Variants in TEAD1 observed in about 807,000 individuals in gnomAD.
The protein encoded by TEAD1 is TEA domain transcription factor 1, also known as transcriptional enhancer factor TEF-1.
A neutral mutation model predicts 54.9 loss-of-function variants in TEAD1; 9 were observed. The observed-to-expected ratio is 0.16, with a 90% CI of 0.10 to 0.29. The LOEUF (loss-of-function observed/expected upper bound fraction) is 0.29, where lower values mean the gene tolerates loss of function less well. Among genes scored for constraint, TEAD1 ranks in the 10% least tolerant of loss-of-function variants. The probability of loss-of-function intolerance (pLI) is 1.00; values close to 1 mark genes in which losing one functional copy is unlikely to be tolerated. For synonymous variants in TEAD1, 200 were observed against 187.8 expected (o/e 1.07, Z -0.53); for missense variants, 387 against 535.9 (o/e 0.72, Z 2.74).
At chr11:12,697,813 T>C (rs1943617461) in intron 2 of TEAD1, among the ~76,000 whole-genome samples, 1 of 152,072 alleles carries the variant, frequency 6.6e-6, no homozygotes, top group Non-Finnish European at 1.5e-5. Flanking sequence ...ACTAGAGCTC[T>C]GGAGTTTGAG....
intron 3 of TEAD1, among the ~76,000 whole-genome samples, chr11:12,793,421 A>G (rs1281973358): frequency 6.6e-6 from 1 of 152,172 alleles, no homozygotes; most frequent in Non-Finnish European, 1.5e-5. Context: ...TATCTTTGCT[A>G]TTTTAGAGGT....
At chr11:12,845,976 G>A (rs1240730356) in intron 3 of TEAD1, among the ~76,000 whole-genome samples, 2 of 152,208 alleles carry the variant, frequency 1.3e-5, no homozygotes, top group Non-Finnish European at 2.9e-5. Flanking sequence ...AGCCGAGCAT[G>A]CTTACAGCTG....
At position 12,908,883 on chromosome 11, in the gene TEAD1, G is replaced by GTT. The variant is rs60042137; in HGVS notation, c.873+6782_873+6783dup. On this transcript the variant is annotated intron_variant, in intron 10 of 12. Coordinates refer to ENST00000527636, the MANE Select transcript of TEAD1 (RefSeq NM_021961.6). The stretch of plus-strand genomic sequence containing the variant: ...TATGTCAGTATACTTCAAATTATCT[G>GTT]TTTTTTTTTTTTTGAGACAGTGTTG... 1.6e-3 allele frequency among the ~76,000 whole-genome samples: 162 copies of GTT among 99,668 alleles called. 12 individuals carry two copies. Among genetic ancestry groups the GTT allele is most frequent in the African/African-American group, 5.0e-3 (156 of 31,384 alleles). The allele number at this position is 99,668 out of a possible 152,430, so 65.4% of individuals were successfully genotyped here.
intron 10 of TEAD1, among the ~76,000 whole-genome samples, chr11:12,913,080 G>T (rs1411970853): frequency 6.6e-6 from 1 of 152,128 alleles, no homozygotes; most frequent in Non-Finnish European, 1.5e-5. Flanking sequence ...GAATTGATGT[G>T]CCATAGTCGG....
intron 3 of TEAD1, among the ~76,000 whole-genome samples, chr11:12,784,116 T>A (rs921339293): frequency 5.9e-5 from 9 of 152,060 alleles, no homozygotes; most frequent in African/African-American, 2.2e-4. Context: ...GGGAAGGACA[T>A]TTTACATCAG....
chr11:12,781,611 G>A (rs150188834), intron 3 of TEAD1, among the ~76,000 whole-genome samples: 3 of 150,100 alleles, frequency 2.0e-5, no homozygotes, highest in Admixed American at 6.6e-5. Flanking sequence ...ACTACACTGC[G>A]ATATCACTTT....
chr11:12,693,968 GTA>G (rs1564909175), intron 2 of TEAD1, among the ~76,000 whole-genome samples: 1 of 152,216 alleles, frequency 6.6e-6, no homozygotes. Context: ...GTAGGAAGAT[GTA>G]TGTCTGAGGA....
At chr11:12,852,604 C>T (rs1043866105) in intron 3 of TEAD1, among the ~76,000 whole-genome samples, 2 of 152,020 alleles carry the variant, frequency 1.3e-5, no homozygotes, top group Non-Finnish European at 2.9e-5. Flanking sequence ...TGTGCCACCA[C>T]GTCAGGCTAA....
chr11:12,941,264 T>C lies in TEAD1; in HGVS notation c.*4042T>C, dbSNP rs1213158586. ...GCTATCTGAGGCATCCACAAGCAGGTAGGAAAGCTGGCGAGCCATTTTACT... is the reference window on the plus strand; with the variant it reads ...GCTATCTGAGGCATCCACAAGCAGGCAGGAAAGCTGGCGAGCCATTTTACT... On this transcript the variant is annotated 3_prime_UTR_variant, in exon 13 of 13. Coordinates refer to ENST00000527636, the MANE Select transcript of TEAD1 (RefSeq NM_021961.6). 2 of 152,190 alleles carry C rather than the reference T, an allele frequency of 1.3e-5. No homozygotes were observed. Among genetic ancestry groups the C allele is most frequent in the Admixed American group, 6.5e-5 (1 of 15,286 alleles). The allele number at this position is 152,190 out of a possible 1,614,324, so 9.4% of individuals were successfully genotyped here.
intron 3 of TEAD1, among the ~76,000 whole-genome samples, chr11:12,764,908 CTT>C (rs1945173732): frequency 6.7e-6 from 1 of 149,648 alleles, no homozygotes; most frequent in Non-Finnish European, 1.5e-5. Flanking sequence ...GAAATCTACT[CTT>C]TTTAAAAAGC....
At chr11:12,929,731 C>A (rs1171660853) in intron 11 of TEAD1, among the ~76,000 whole-genome samples, 3 of 151,894 alleles carry the variant, frequency 2.0e-5, no homozygotes, top group Non-Finnish European at 2.9e-5. Flanking sequence ...GCTCATGATC[C>A]GTGAGAAATA....
intron 3 of TEAD1, among the ~76,000 whole-genome samples, chr11:12,845,656 A>G (rs1307494654): frequency 6.6e-6 from 1 of 152,222 alleles, no homozygotes; most frequent in Non-Finnish European, 1.5e-5. Context: ...TAAGTGTGGA[A>G]ACCGTACTGT....
intron 2 of TEAD1, among the ~76,000 whole-genome samples, chr11:12,690,302 G>C (rs1943430396): frequency 6.6e-6 from 1 of 151,618 alleles, no homozygotes; most frequent in African/African-American, 2.4e-5. Flanking sequence ...TCACTGTTTG[G>C]ATTTCCTTGA....
intron 3 of TEAD1, among the ~76,000 whole-genome samples, chr11:12,824,754 A>G (rs557132408): frequency 6.6e-6 from 1 of 152,206 alleles, no homozygotes; most frequent in East Asian, 1.9e-4. Flanking sequence ...CTCTGGGGTG[A>G]GTAGAAGGTA....
chr11:12,754,284 A>G (rs1201205951), intron 2 of TEAD1, among the ~76,000 whole-genome samples: 2 of 152,176 alleles, frequency 1.3e-5, no homozygotes, highest in Non-Finnish European at 2.9e-5. Context: ...ATGTTATTTG[A>G]CACTGTCCTA....
intron 3 of TEAD1, among the ~76,000 whole-genome samples, chr11:12,803,477 T>G (rs1181412511): frequency 1.3e-5 from 2 of 152,240 alleles, no homozygotes; most frequent in African/African-American, 2.4e-5. Flanking sequence ...GAAAGGAAAC[T>G]GTAGCTTTTT....
intron 9 of TEAD1, among the ~76,000 whole-genome samples, chr11:12,885,747 G>C (rs1948074198): frequency 6.6e-6 from 1 of 152,270 alleles, no homozygotes; most frequent in Non-Finnish European, 1.5e-5. Context: ...ATTGTTAACT[G>C]TGCTCTCCAG....
chr11:12,919,329 C>T (rs909608909), intron 10 of TEAD1, among the ~76,000 whole-genome samples: 3 of 152,000 alleles, frequency 2.0e-5, no homozygotes, highest in Admixed American at 6.6e-5. Context: ...AATGGTCTGC[C>T]GCAGCTGCAA....
chr11:12,708,306 G>A (rs1187439624), intron 2 of TEAD1, among the ~76,000 whole-genome samples: 3 of 151,996 alleles, frequency 2.0e-5, no homozygotes, highest in Admixed American at 2.0e-4. Flanking sequence ...TGCCTGCAGT[G>A]CAGTGCCTGG....
Sources: allele counts gnomAD v4.1 joint callset (sites outside exome capture counted in the v4.1 genomes callset), GRCh38; gene constraint gnomAD v4.1.1; transcripts MANE v1.5; gene names NCBI Gene and HGNC (gene_info 2026-07-23, HGNC 2026-07-21).